OR4K14: variants seen among roughly 807,000 people sequenced by gnomAD.
OR4K14 encodes olfactory receptor 4K14.
For synonymous variants in OR4K14, 153 were observed against 141.5 expected (o/e 1.08, Z -0.58); for missense variants, 406 against 373.6 (o/e 1.09, Z -0.72).
At chr14:20,017,366 A>G (rs980484791) in intron 1 of OR4K14, among the ~76,000 whole-genome samples, 2 of 152,032 alleles carry the variant, frequency 1.3e-5, no homozygotes, top group Non-Finnish European at 2.9e-5. Flanking sequence ...TTTGGTATAA[A>G]AACCAATCAA....
chr14:20,017,904 G>A (rs1260728022), intron 1 of OR4K14, among the ~76,000 whole-genome samples: 1 of 152,020 alleles, frequency 6.6e-6, no homozygotes, highest in Non-Finnish European at 1.5e-5. Context: ...GGAACAGGAT[G>A]CATAGGTCCC....
chr14:20,017,998 G>A (rs1176926020), intron 1 of OR4K14, among the ~76,000 whole-genome samples: 1 of 151,818 alleles, frequency 6.6e-6, no homozygotes, highest in East Asian at 1.9e-4. Context: ...TTTTAATAAG[G>A]GGTATCACAT....
At chr14:20,017,876 T>C (rs565006321) in intron 1 of OR4K14, among the ~76,000 whole-genome samples, 1 of 152,250 alleles carries the variant, frequency 6.6e-6, no homozygotes, top group East Asian at 1.9e-4. Context: ...AACGTAGCTC[T>C]GAGTTTTCAG....
intron 1 of OR4K14, among the ~76,000 whole-genome samples, chr14:20,015,736 C>T (rs377323763): frequency 9.6e-4 from 146 of 152,140 alleles, no homozygotes; most frequent in Non-Finnish European, 1.8e-3. Flanking sequence ...AAGTGATCAA[C>T]TAAGTGTTAT....
intron 1 of OR4K14, among the ~76,000 whole-genome samples, chr14:20,017,250 T>C (rs577457734): frequency 8.5e-5 from 13 of 152,204 alleles, no homozygotes; most frequent in Middle Eastern, 3.4e-3. Flanking sequence ...AGGACCTCTC[T>C]TGGCAGTAGT....
intron 1 of OR4K14, among the ~76,000 whole-genome samples, chr14:20,017,264 G>T: frequency 6.6e-6 from 1 of 151,814 alleles, no homozygotes; most frequent in East Asian, 1.9e-4. Context: ...CAGTAGTCAG[G>T]CTATCTTCTT....
intron 1 of OR4K14, among the ~76,000 whole-genome samples, chr14:20,017,922 GT>G (rs201474233): frequency 1.3e-5 from 2 of 151,734 alleles, no homozygotes; most frequent in Non-Finnish European, 2.9e-5. Context: ...CCCATAATTA[GT>G]TTTTTTTATG....
chr14:20,017,746 T>A (rs17276933), intron 1 of OR4K14, among the ~76,000 whole-genome samples: 8,428 of 152,042 alleles, frequency 0.055, 355 homozygotes, highest in Middle Eastern at 0.12. Flanking sequence ...TGACTTTCAC[T>A]GAAAAAGATA....
chr14:20,015,166 A>G lies in OR4K14; in HGVS notation c.28T>C (p.Ser10Pro), dbSNP rs147070062. Residue 10 changes from serine to proline, a missense_variant, in exon 2 of 2, where the codon TCA becomes CCA. By Grantham distance (74) the Ser-to-Pro change is moderately conservative (BLOSUM62 -1). Coordinates refer to ENST00000641793, the MANE Select transcript of OR4K14 (RefSeq NM_001004712.2). Reference sequence around the variant, plus strand: ...CAGAGTCCATGCAACACAAATTCTGACACCAAGGAATAGTTCTGTGGGTCC... The same window carrying G: ...CAGAGTCCATGCAACACAAATTCTGGCACCAAGGAATAGTTCTGTGGGTCC... Reference protein sequence around the residue: MDPQNYSLVSEFVLHGLCTS... With the variant: MDPQNYSLVPEFVLHGLCTS... 6.2e-7 allele frequency: 1 copy of G among 1,611,324 alleles called. No individual in the cohort carries two copies. The highest frequency in any genetic ancestry group is 8.5e-7 in the Non-Finnish European group (1 of 1,178,890).
intron 1 of OR4K14, among the ~76,000 whole-genome samples, chr14:20,017,097 TC>T (rs1274065589): frequency 1.3e-5 from 2 of 151,968 alleles, no homozygotes; most frequent in African/African-American, 4.8e-5. Context: ...TCCTTTTTTT[TC>T]CCAACCACTT....
Position 20,014,609 on chromosome 14 carries a change from G to A in OR4K14, c.585C>T (p.Val195=). The change falls in exon 2 of 2, where the codon GTC becomes GTT. Residue 195 remains valine, a synonymous_variant. Coordinates refer to ENST00000641793, the MANE Select transcript of OR4K14 (RefSeq NM_001004712.2). ...VIKLACMDTY[V]LGIIMISDSG... is the part of the protein sequence containing the mutation. ...TGTCTGAGATCATAATTATACCCAA[G>A]ACATAGGTGTCCATGCAGGCAAGTT... is the stretch of plus-strand genomic sequence containing the variant. The A allele has an allele frequency of 6.2e-7, 1 of 1,614,008 alleles. No individual in the cohort carries two copies. The highest frequency in any genetic ancestry group is 1.1e-5 in the South Asian group (1 of 91,074).
rs764780187 is a variant in OR4K14 at position 20,014,820 on chromosome 14, A to G, written c.374T>C (p.Val125Ala). Reference protein sequence around the residue: ...LLVSMAYDRYVAICKPLHYMT... With the variant: ...LLVSMAYDRYAAICKPLHYMT... The stretch of plus-strand genomic sequence containing the variant: ...GTAATGCAAGGGTTTGCATATGGCC[A>G]CATATCTGTCATAGGCCATGGAAAC... The change falls in exon 2 of 2, where the codon GTG (valine) becomes GCG (alanine). Residue 125 changes from valine (V) to alanine (A), a missense_variant. Coordinates refer to ENST00000641793, the MANE Select transcript of OR4K14 (RefSeq NM_001004712.2). 1.9e-6 allele frequency: 3 copies of G among 1,614,102 alleles called. No homozygotes were observed. The highest frequency in any genetic ancestry group is 2.5e-6 in the Non-Finnish European group (3 of 1,179,970).
intron 1 of OR4K14, among the ~76,000 whole-genome samples, chr14:20,018,715 C>T (rs1293640360): frequency 6.6e-6 from 1 of 151,930 alleles, no homozygotes; most frequent in Non-Finnish European, 1.5e-5. Context: ...CAGTTAGATA[C>T]TGGTGATAGT....
intron 1 of OR4K14, among the ~76,000 whole-genome samples, chr14:20,016,006 T>C (rs1191727427): frequency 6.7e-6 from 1 of 149,198 alleles, no homozygotes; most frequent in Admixed American, 6.8e-5. Context: ...ATGAAGATTT[T>C]TTCAGGGATT....
At position 20,014,849 on chromosome 14, in the gene OR4K14, G is replaced by T; in HGVS notation, c.345C>A (p.Leu115=). Reference sequence around the variant, plus strand: ...ATCTGTCATAGGCCATGGAAACCAGGAGCACCATCTCAGCCCCACCAGTAA... The same window carrying T: ...ATCTGTCATAGGCCATGGAAACCAGTAGCACCATCTCAGCCCCACCAGTAA... ...LHFTGGAEMV[L]LVSMAYDRYV... The change falls in exon 2 of 2, where the codon CTC becomes CTA. Residue 115 remains leucine, a synonymous_variant. Coordinates refer to ENST00000641793, the MANE Select transcript of OR4K14 (RefSeq NM_001004712.2). The T allele has an allele frequency of 6.2e-7, 1 of 1,614,078 alleles. No homozygotes were observed. The highest frequency in any genetic ancestry group is 8.5e-7 in the Non-Finnish European group (1 of 1,180,002).
rs773304448 is a variant in OR4K14 at position 20,014,865 on chromosome 14, C to T, written c.329G>A (p.Gly110Glu). The change falls in exon 2 of 2, where the codon GGG (glycine) becomes GAG (glutamate). Residue 110 changes from glycine to glutamate, a missense_variant. Transcript: ENST00000641793. ...AQIFFLHFTGGAEMVLLVSMA... is the reference protein window; with the variant it reads ...AQIFFLHFTGEAEMVLLVSMA... ...GGAAACCAGGAGCACCATCTCAGCCCCACCAGTAAAGTGCAAGAAGAAGAT... is the reference window on the plus strand; with the variant it reads ...GGAAACCAGGAGCACCATCTCAGCCTCACCAGTAAAGTGCAAGAAGAAGAT... 25 of 1,613,948 alleles carry T rather than the reference C, an allele frequency of 1.5e-5. No homozygotes were observed. The highest frequency in any genetic ancestry group is 1.9e-5 in the Non-Finnish European group (22 of 1,179,988).
Position 20,014,849 on chromosome 14 carries a change from G to A in OR4K14, c.345C>T (p.Leu115=). The A allele has an allele frequency of 6.2e-7, 1 of 1,614,078 alleles. No individual in the cohort carries two copies. The highest frequency in any genetic ancestry group is 8.5e-7 in the Non-Finnish European group (1 of 1,180,002). ...LHFTGGAEMV[L]LVSMAYDRYV... is the part of the protein sequence containing the mutation. The stretch of plus-strand genomic sequence containing the variant: ...ATCTGTCATAGGCCATGGAAACCAG[G>A]AGCACCATCTCAGCCCCACCAGTAA... Residue 115 remains leucine, a synonymous_variant, in exon 2 of 2, where the codon CTC becomes CTT. Coordinates refer to ENST00000641793, the MANE Select transcript of OR4K14 (RefSeq NM_001004712.2).
chr14:20,014,747 T>G lies in OR4K14; in HGVS notation c.447A>C (p.Ser149=), dbSNP rs776523120. The G allele has an allele frequency of 7.4e-6, 12 of 1,613,994 alleles. No individual in the cohort carries two copies. The highest frequency in any genetic ancestry group is 1.0e-5 in the Non-Finnish European group (12 of 1,179,994). ...WQTCIRLVLA[S]WVVGFVHSIS... Reference sequence around the variant, plus strand: ...TGGAGTGCACAAATCCAACGACCCATGAAGCCAGCACCAGCCTGATGCAAG... The same window carrying G: ...TGGAGTGCACAAATCCAACGACCCAGGAAGCCAGCACCAGCCTGATGCAAG... The change falls in exon 2 of 2, where the codon TCA becomes TCC. Residue 149 remains serine, a synonymous_variant. Coordinates refer to ENST00000641793, the MANE Select transcript of OR4K14 (RefSeq NM_001004712.2).
rs202226803 is a variant in OR4K14 at position 20,014,319 on chromosome 14, T to A, written c.875A>T (p.Asn292Ile). The stretch of plus-strand genomic sequence containing the variant: ...CTTCATAGCTGCTTTCATCTCCTCA[T>A]TTCTCAATGTGTAGATAATGGGGTT... ...LLNPIIYTLR[N>I]EEMKAAMKKL... Residue 292 changes from asparagine to isoleucine, a missense_variant, in exon 2 of 2, where the codon AAT becomes ATT. Coordinates refer to ENST00000641793, the MANE Select transcript of OR4K14 (RefSeq NM_001004712.2). 25 of 1,612,730 alleles carry A rather than the reference T, an allele frequency of 1.6e-5. No individual in the cohort carries two copies. The Admixed American group carries it at 4.0e-4, about 26-fold the overall frequency.
Sources: gnomAD v4.1 joint callset for allele counts (sites outside exome capture counted in the v4.1 genomes callset) on GRCh38, gnomAD v4.1.1 for gene constraint, MANE v1.5 for transcripts, NCBI Gene and HGNC (gene_info 2026-07-23, HGNC 2026-07-21) for gene names.